The following SH3BP1 variants were observed in gnomAD, a reference collection of about 807,000 sequenced individuals.
SH3BP1 encodes the protein SH3 domain-binding protein 1.
SH3BP1 carries 46 observed loss-of-function variants against 69.8 expected under a neutral mutation model. The ratio of observed to expected loss-of-function variants is 0.66; its 90% CI spans 0.52 to 0.84. The LOEUF is 0.84. Ranked by LOEUF, SH3BP1 falls within the 40% of genes least tolerant of loss-of-function variation. SH3BP1 has a pLI of 0.00. For missense variants in SH3BP1, 868 were observed against 930.9 expected (o/e 0.93, Z 0.88); for synonymous variants, 403 against 378.0 (o/e 1.07, Z -0.77).
At chr22:37,652,838 A>G (rs949174547) in intron 16 of SH3BP1, among the ~76,000 whole-genome samples, 6 of 140,690 alleles carry the variant, frequency 4.3e-5, no homozygotes, top group South Asian at 2.3e-4. Flanking sequence ...AAAAAAAAAA[A>G]AAAAGAAAAA....
At position 37,641,105 on chromosome 22, in the gene SH3BP1, C is replaced by G. The variant is rs757607471; in HGVS notation, c.60-21C>G. 1.9e-4 allele frequency: 254 copies of G among 1,310,320 alleles called. 12 individuals carry two copies. Among genetic ancestry groups the G allele is most frequent in the Admixed American group, 1.7e-3 (83 of 49,256 alleles). 81.2% of individuals were successfully genotyped at this position (1,310,320 alleles called of 1,614,324 possible). A position where few individuals can be genotyped will look rare whatever the true frequency, so the allele number is the denominator to read the frequency against. ...GGCTCAGCAGAAGCACTCTCCCCCCCCCCCCCACCACTCCCCGCAGCACCC... is the reference window on the plus strand; with the variant it reads ...GGCTCAGCAGAAGCACTCTCCCCCCGCCCCCCACCACTCCCCGCAGCACCC... On this transcript the variant is annotated intron_variant, in intron 1 of 17. Coordinates refer to ENST00000649765, the MANE Select transcript of SH3BP1 (RefSeq NM_018957.6).
At chr22:37,648,479 T>A (rs1341235978) in intron 14 of SH3BP1, 44 bp downstream of exon 14, 1 of 1,312,996 alleles carries the variant, frequency 7.6e-7, no homozygotes, top group African/African-American at 1.5e-5. Context: ...GGAAGGCAGA[T>A]CCCATCCCAA....
chr22:37,650,515 A>G, intron 15 of SH3BP1, 27 bp from the exon 16 acceptor site: 1 of 1,589,094 alleles, frequency 6.3e-7, no homozygotes, highest in South Asian at 1.1e-5. Context: ...GGTCTCTGAG[A>G]GCCGTCTCCG....
intron 9 of SH3BP1, 89 bp downstream of exon 9, chr22:37,645,049 C>A: frequency 8.1e-7 from 1 of 1,234,230 alleles, no homozygotes; most frequent in Non-Finnish European, 1.2e-6. Flanking sequence ...TGAAAGGTAG[C>A]AGGAAGCTGT....
intron 14 of SH3BP1, chr22:37,649,894 C>T (rs1382604328): frequency 1.7e-6 from 1 of 583,820 alleles, no homozygotes; most frequent in Non-Finnish European, 3.2e-6. Flanking sequence ...GTGCTGATTG[C>T]ATTTGCTTGG....
At position 37,655,422 on chromosome 22, in the gene SH3BP1, G is replaced by A. The variant is rs964829245; in HGVS notation, c.1844G>A (p.Arg615Gln). The change falls in exon 18 of 18, where the codon CGA becomes CAA. Residue 615 changes from arginine to glutamine, a missense_variant. Around this residue, in one of 3 missense-constraint regions of SH3BP1, gnomAD observed 474 missense variants for 462.3 expected, o/e 1.03. Coordinates refer to ENST00000649765, the MANE Select transcript of SH3BP1 (RefSeq NM_018957.6). ...LPRRLVGSSL[R>Q]APTVPPPLPP... ...CGACGTCTGGTTGGCAGCAGCCTCC[G>A]AGCCCCCACAGTGCCACCCCCGTTA... is the stretch of plus-strand genomic sequence containing the variant. The A allele has an allele frequency of 2.7e-5, 34 of 1,270,602 alleles. No homozygotes were observed. The highest frequency in any genetic ancestry group is 8.1e-5 in the Admixed American group (3 of 37,034). The allele number at this position is 1,270,602 out of a possible 1,614,324, so 78.7% of individuals were successfully genotyped here. A position where few individuals can be genotyped will look rare whatever the true frequency, so the allele number is the denominator to read the frequency against.
At position 37,655,267 on chromosome 22, in the gene SH3BP1, A is replaced by G. The variant is rs1257980365; in HGVS notation, c.1694-5A>G. On this transcript the variant is annotated splice_region_variant and splice_polypyrimidine_tract_variant and intron_variant, in intron 17 of 17. Coordinates refer to ENST00000649765, the MANE Select transcript of SH3BP1 (RefSeq NM_018957.6). The stretch of plus-strand genomic sequence containing the variant: ...AGCCTCCCTCACCCTTTCCTTCCTC[A>G]ACAGCCAAGCGCCCGGCGCCAGCCC... The G allele has an allele frequency of 1.3e-6, 2 of 1,584,222 alleles. No individual in the cohort carries two copies. The highest frequency in any genetic ancestry group is 4.6e-5 in the East Asian group (2 of 43,696).
intron 9 of SH3BP1, 55 bp from the exon 10 acceptor site, chr22:37,645,310 C>A: frequency 6.4e-7 from 1 of 1,561,406 alleles, no homozygotes; most frequent in Non-Finnish European, 8.7e-7. Context: ...GGTGCCCCTG[C>A]CTGACTGCTC....
At chr22:37,652,884 C>A (rs538473552) in intron 16 of SH3BP1, among the ~76,000 whole-genome samples, 31 of 150,684 alleles carry the variant, frequency 2.1e-4, no homozygotes, top group Non-Finnish European at 3.4e-4. Context: ...ACCTGTAATC[C>A]CAGCACTTTG....
rs138885099 is a variant in SH3BP1 at position 37,654,108 on chromosome 22, C to T, written c.1693+235C>T. On this transcript the variant is annotated intron_variant, in intron 17 of 17. Coordinates refer to ENST00000649765, the MANE Select transcript of SH3BP1 (RefSeq NM_018957.6). ...GTAATGGGACAGTGTCTGCACTTAC[C>T]TTATGGGGCTGCATGGAGCCTGCAG... Among the ~76,000 whole-genome samples the T allele has an allele frequency of 3.3e-3, 499 of 152,290 alleles. 3 individuals carry two copies. Among genetic ancestry groups the T allele is most frequent in the Non-Finnish European group, 5.2e-3 (351 of 68,014 alleles).
rs1478515410 is a variant in SH3BP1 at position 37,655,716 on chromosome 22, AC to A, written c.*37del. 2 of 1,405,802 alleles carry A rather than the reference AC, an allele frequency of 1.4e-6. No homozygotes were observed. Among genetic ancestry groups the A allele is most frequent in the Admixed American group, 3.0e-5 (1 of 33,320 alleles). The allele number at this position is 1,405,802 out of a possible 1,614,324, so 87.1% of individuals were successfully genotyped here. On this transcript the variant is annotated 3_prime_UTR_variant, in exon 18 of 18. Coordinates refer to ENST00000649765, the MANE Select transcript of SH3BP1 (RefSeq NM_018957.6). ...GGTTTCTCCCTAAGCAGCCCTCAGC[AC>A]CCCCTCCCTCCCCACCTGGCCCTCC...
chr22:37,641,600 G>C, intron 3 of SH3BP1, 122 bp downstream of exon 3: 1 of 802,712 alleles, frequency 1.2e-6, no homozygotes, highest in Non-Finnish European at 2.0e-6. Flanking sequence ...CATGGAGACT[G>C]CTCTGTTCCA....
chr22:37,654,858 C>G (rs1368026222), intron 17 of SH3BP1, among the ~76,000 whole-genome samples: 3 of 152,046 alleles, frequency 2.0e-5, no homozygotes, highest in Middle Eastern at 3.2e-3. Flanking sequence ...ACCTGTCATC[C>G]CAGCACTTTG....
intron 14 of SH3BP1, chr22:37,649,855 T>C: frequency 2.0e-6 from 1 of 509,138 alleles, no homozygotes; most frequent in South Asian, 2.0e-5. Context: ...ATTATTTACC[T>C]GGCCACAGAT....
Position 37,646,842 on chromosome 22 carries a change from G to T in SH3BP1, c.949G>T (p.Ala317Ser). 6.5e-7 allele frequency: 1 copy of T among 1,548,800 alleles called. No homozygotes were observed. ...GGGTCTCTTCCGTCTGGCTGCTGGGGCCTCGGTGCTGAAGCGTCTCAAGCA... is the reference window on the plus strand; with the variant it reads ...GGGTCTCTTCCGTCTGGCTGCTGGGTCCTCGGTGCTGAAGCGTCTCAAGCA... ...EEGLFRLAAG[A>S]SVLKRLKQTM... Residue 317 changes from alanine (A) to serine (S), a missense_variant, in exon 11 of 18, where the codon GCC becomes TCC. Transcript: ENST00000649765.
chr22:37,642,296 AT>A (rs1932624725), intron 3 of SH3BP1: 4 of 529,104 alleles, frequency 7.6e-6, no homozygotes, highest in Non-Finnish European at 1.4e-5. Flanking sequence ...GGACTTGGTC[AT>A]TCCTTCCTGC....
intron 12 of SH3BP1, 42 bp from the exon 13 acceptor site, chr22:37,647,399 G>A (rs777520420): frequency 8.1e-5 from 130 of 1,612,482 alleles, no homozygotes; most frequent in East Asian, 4.7e-4. Flanking sequence ...ATGCAAAGGT[G>A]TAGCCCTGCG....
At chr22:37,647,654 T>C in intron 13 of SH3BP1, 133 bp downstream of exon 13, 1 of 533,892 alleles carries the variant, frequency 1.9e-6, no homozygotes. Context: ...GCAGCTTTGA[T>C]GGATTAGTCA....
rs536136457 is a variant in SH3BP1 at position 37,652,466 on chromosome 22, G to A, written c.1599-1313G>A. On this transcript the variant is annotated intron_variant, in intron 16 of 17. Coordinates refer to ENST00000649765, the MANE Select transcript of SH3BP1 (RefSeq NM_018957.6). ...GAGGATTTCTTGACCCTAGGAGGTC[G>A]AGGCTGCAGTGAGCAATGATTGTGC... is the stretch of plus-strand genomic sequence containing the variant. Among the ~76,000 whole-genome samples, 306 of 152,282 alleles carry A rather than the reference G, an allele frequency of 2.0e-3. 2 individuals carry two copies. Among genetic ancestry groups the A allele is most frequent in the African/African-American group, 7.0e-3 (289 of 41,566 alleles).
Sources: allele counts gnomAD v4.1 joint callset (sites outside exome capture counted in the v4.1 genomes callset), GRCh38; gene constraint gnomAD v4.1.1; regional missense constraint gnomAD v4.1.1; transcripts MANE v1.5; gene names NCBI Gene and HGNC (gene_info 2026-07-23, HGNC 2026-07-21).